The following TOLLIP variants were observed in gnomAD, a reference collection of about 807,000 sequenced individuals.
The protein encoded by TOLLIP is toll-interacting protein.
Under a neutral mutation model 33.5 loss-of-function variants are expected in TOLLIP, and 16 were observed. The ratio of observed to expected loss-of-function variants is 0.48; its 90% CI spans 0.32 to 0.72. The LOEUF (loss-of-function observed/expected upper bound fraction) is 0.72. Ranked by LOEUF, TOLLIP falls within the 30% of genes least tolerant of loss-of-function variation. The probability of loss-of-function intolerance (pLI) is 0.03; values close to 1 mark genes in which losing one functional copy is unlikely to be tolerated. For synonymous variants in TOLLIP, 176 were observed against 163.7 expected, an observed-to-expected ratio of 1.07 and a Z score of -0.57; for missense variants, 325 against 396.6, an observed-to-expected ratio of 0.82 and a Z score of 1.53.
At chr11:1,292,697 C>T (rs549294342) in intron 2 of TOLLIP, among the ~76,000 whole-genome samples, 1 of 152,314 alleles carries the variant, frequency 6.6e-6, no homozygotes, top group Admixed American at 6.5e-5. Context: ...GCTGCCTCCC[C>T]CACAACGGGC....
In TOLLIP at chr11:1,277,354, C is replaced by T; in HGVS notation, c.611-101G>A. The T allele has an allele frequency of 9.8e-7, 1 of 1,016,006 alleles. No homozygotes were observed. Among genetic ancestry groups the T allele is most frequent in the African/African-American group, 1.6e-5 (1 of 61,664 alleles). The allele number at this position is 1,016,006 out of a possible 1,614,324, so 62.9% of individuals were successfully genotyped here. On this transcript the variant is annotated intron_variant, in intron 5 of 5. Transcript: ENST00000317204. This position sits in a 1 kb window ranked among gnomAD's most constrained non-coding sequence, Gnocchi z 4.2. ...AAAACAACGCATCCCACCGGCCTCC[C>T]TGAGGAAGGGGCCACCTCGGGTCTC...
chr11:1,297,449 A>G (rs1427428315), intron 1 of TOLLIP, among the ~76,000 whole-genome samples: 1 of 152,214 alleles, frequency 6.6e-6, no homozygotes, highest in Non-Finnish European at 1.5e-5. Flanking sequence ...CACCGCTTCG[A>G]GCAGTTACGG....
intron 1 of TOLLIP, among the ~76,000 whole-genome samples, chr11:1,302,250 G>A (rs1443940171): frequency 6.6e-6 from 1 of 152,262 alleles, no homozygotes; most frequent in Non-Finnish European, 1.5e-5. Flanking sequence ...GCGCACCAGG[G>A]CTGAGACACA....
rs1863314036 is a variant in TOLLIP, at chr11:1,276,688, A to G, written c.*351T>C. 2 of 1,381,642 alleles carry G rather than the reference A, an allele frequency of 1.4e-6. No homozygotes were observed. The highest frequency in any genetic ancestry group is 2.9e-5 in the African/African-American group (2 of 69,276). 85.6% of individuals were successfully genotyped at this position (1,381,642 alleles called of 1,614,324 possible). A position where few individuals can be genotyped will look rare whatever the true frequency, so the allele number is the denominator to read the frequency against. ...CACATCACAAAATGCCATGAATGGA[A>G]TCGGAAGGCGCTCCACCACCTCCAA... On this transcript the variant is annotated 3_prime_UTR_variant, in exon 6 of 6. Coordinates refer to ENST00000317204, the MANE Select transcript of TOLLIP (RefSeq NM_019009.4).
intron 1 of TOLLIP, among the ~76,000 whole-genome samples, chr11:1,298,950 G>C (rs1324700620): frequency 1.3e-5 from 2 of 152,260 alleles, no homozygotes; most frequent in East Asian, 3.8e-4. Context: ...GATTGGAGAT[G>C]GCAGACATGA....
In TOLLIP at chr11:1,303,909, G is replaced by C. The variant is rs1419312211; in HGVS notation, c.33+5557C>G. Among the ~76,000 whole-genome samples, 1 of 152,028 alleles carries C rather than the reference G, an allele frequency of 6.6e-6. No homozygotes were observed. Among genetic ancestry groups the C allele is most frequent in the East Asian group, 1.9e-4 (1 of 5,180 alleles). On this transcript the variant is annotated intron_variant, in intron 1 of 5. Coordinates refer to ENST00000317204, the MANE Select transcript of TOLLIP (RefSeq NM_019009.4). This position sits in a 1 kb window ranked among gnomAD's most constrained non-coding sequence, Gnocchi z 4.2. The stretch of plus-strand genomic sequence containing the variant: ...AAATTAGCTGGGCGTGGTGGTGGAC[G>C]CCTGTAATCCCAGCTACTCGGGAGT...
At chr11:1,284,270 C>T (rs1863606706) in intron 5 of TOLLIP, among the ~76,000 whole-genome samples, 1 of 152,184 alleles carries the variant, frequency 6.6e-6, no homozygotes, top group Admixed American at 6.5e-5. Context: ...TTCTGCGTTT[C>T]TGGCTCACCT....
intron 5 of TOLLIP, among the ~76,000 whole-genome samples, chr11:1,282,058 C>T (rs1336551831): frequency 6.6e-6 from 1 of 152,232 alleles, no homozygotes; most frequent in African/African-American, 2.4e-5. Flanking sequence ...CTCTACAGTA[C>T]TGCTAGGATA....
chr11:1,297,233 G>A (rs1412787206), intron 1 of TOLLIP, among the ~76,000 whole-genome samples: 1 of 152,164 alleles, frequency 6.6e-6, no homozygotes, highest in Non-Finnish European at 1.5e-5. Flanking sequence ...CTGTGCCATG[G>A]ACTCCCAATG....
rs1240954113 is a variant in TOLLIP at position 1,278,302 on chromosome 11, T to C, written c.611-1049A>G. On this transcript the variant is annotated intron_variant, in intron 5 of 5. Coordinates refer to ENST00000317204, the MANE Select transcript of TOLLIP (RefSeq NM_019009.4). The surrounding 1 kb of genome is among the most constrained non-coding windows in gnomAD (Gnocchi z 4.7). ...CTGCAGCAGTGCAAGGGTTCACTGCTCACCCGTTCATTCACCTTTAAAAGC... is the reference window on the plus strand; with the variant it reads ...CTGCAGCAGTGCAAGGGTTCACTGCCCACCCGTTCATTCACCTTTAAAAGC... Among the ~76,000 whole-genome samples the C allele has an allele frequency of 6.6e-6, 1 of 152,050 alleles. No homozygotes were observed. Among genetic ancestry groups the C allele is most frequent in the Non-Finnish European group, 1.5e-5 (1 of 68,012 alleles).
chr11:1,283,740 T>G (rs996257028), intron 5 of TOLLIP: 31 of 373,288 alleles, frequency 8.3e-5, no homozygotes, highest in Non-Finnish European at 1.6e-4. Flanking sequence ...ATCTGAATGC[T>G]CTTTCAGCCA....
At chr11:1,287,351 G>A (rs1328361244) in intron 4 of TOLLIP, among the ~76,000 whole-genome samples, 1 of 151,682 alleles carries the variant, frequency 6.6e-6, no homozygotes, top group Non-Finnish European at 1.5e-5. Context: ...CAAAAAGGGG[G>A]TGGGAGGAGC....
intron 3 of TOLLIP, among the ~76,000 whole-genome samples, chr11:1,289,039 G>A (rs5743966): frequency 0.062 from 9,454 of 152,300 alleles, 339 homozygotes; most frequent in Admixed American, 0.11. Flanking sequence ...TGGGGAAAGC[G>A]AGGGCCCTGG....
At chr11:1,281,704 C>A (rs992640839) in intron 5 of TOLLIP, among the ~76,000 whole-genome samples, 8 of 152,276 alleles carry the variant, frequency 5.3e-5, no homozygotes, top group African/African-American at 1.9e-4. Flanking sequence ...TGCGTGCACA[C>A]AGGCCCGAAG....
At chr11:1,280,600 T>A (rs1304525996) in intron 5 of TOLLIP, among the ~76,000 whole-genome samples, 3 of 152,176 alleles carry the variant, frequency 2.0e-5, no homozygotes, top group South Asian at 2.1e-4. Flanking sequence ...AACGGGCAGC[T>A]GCAGCCACGG....
chr11:1,295,194 A>C (rs909378638), intron 2 of TOLLIP, among the ~76,000 whole-genome samples: 1 of 152,266 alleles, frequency 6.6e-6, no homozygotes, highest in African/African-American at 2.4e-5. Flanking sequence ...TTGAAAGACC[A>C]CTAAGCAACC....
chr11:1,289,432 C>T (rs1222062904), intron 3 of TOLLIP, among the ~76,000 whole-genome samples: 1 of 152,236 alleles, frequency 6.6e-6, no homozygotes, highest in Non-Finnish European at 1.5e-5. Flanking sequence ...CTCGCCACAT[C>T]CCCTCTGACC....
rs201436284 is a variant in TOLLIP at position 1,277,155 on chromosome 11, T to G, written c.709A>C (p.Ile237Leu). 1.9e-6 allele frequency: 3 copies of G among 1,613,514 alleles called. No homozygotes were observed. The African/African-American group carries it at 4.0e-5, about 21-fold the overall frequency. Residue 237 changes from isoleucine to leucine, a missense_variant, in exon 6 of 6, where the codon ATC (isoleucine) becomes CTC (leucine). By Grantham distance (5) the Ile-to-Leu change is conservative. Transcript: ENST00000317204. This position sits in a 1 kb window ranked among gnomAD's most constrained non-coding sequence, Gnocchi z 4.2. ...TCCATGTTGGGGAACATGTCCTGGA[T>G]GGCTTTCAGGTCCTCCTCGCTACAG... is the stretch of plus-strand genomic sequence containing the variant. ...PRCSEEDLKAIQDMFPNMDQE... is the reference protein window; with the variant it reads ...PRCSEEDLKALQDMFPNMDQE...
chr11:1,287,414 C>T (rs1474872661), intron 4 of TOLLIP, among the ~76,000 whole-genome samples: 7 of 130,326 alleles, frequency 5.4e-5, no homozygotes, highest in African/African-American at 1.9e-4. Context: ...CCGCAGCCTC[C>T]CCGCCGCACC....
Sources: gnomAD v4.1 joint callset for allele counts (sites outside exome capture counted in the v4.1 genomes callset) on GRCh38, gnomAD v4.1.1 for gene constraint, Gnocchi (gnomAD v3.1) non-coding constraint, MANE v1.5 for transcripts, NCBI Gene and HGNC (gene_info 2026-07-23, HGNC 2026-07-21) for gene names.